Variants in F5 observed in about 807,000 individuals in gnomAD.
F5 encodes coagulation factor V, also known as activated protein c cofactor.
A neutral mutation model predicts 216.4 loss-of-function variants in F5; 138 were observed. That is an observed-to-expected ratio of 0.64 (90% CI 0.56 to 0.73). The LOEUF (loss-of-function observed/expected upper bound fraction) is 0.73. Among genes scored for constraint, F5 ranks in the 30% least tolerant of loss-of-function variants. The probability of loss-of-function intolerance (pLI) is 0.00; values close to 1 mark genes in which losing one functional copy is unlikely to be tolerated. For synonymous variants in F5, 916 were observed against 930.7 expected, an observed-to-expected ratio of 0.98 and a Z score of 0.29; for missense variants, 2,403 against 2,674.0, an observed-to-expected ratio of 0.90 and a Z score of 2.24.
chr1:169,560,452 T>C, intron 4 of F5, 102 bp downstream of exon 4: 1 of 1,088,448 alleles, frequency 9.2e-7, no homozygotes, highest in Non-Finnish European at 1.4e-6. Context: ...CTCTGCTTGA[T>C]GTACAAGAAG....
rs6679078 is a variant in F5 at position 169,514,434 on chromosome 1, T to C, written c.6554A>G (p.Lys2185Arg). The change falls in exon 25 of 25, where the codon AAA (lysine) becomes AGA (arginine). Residue 2185 changes from lysine to arginine, a missense_variant. Physicochemically the swap from Lys to Arg is conservative, Grantham distance 26. Coordinates refer to ENST00000367797, the MANE Select transcript of F5 (RefSeq NM_000130.5). ...DKIFEGNTNT[K>R]GHVKNFFNPP... The stretch of plus-strand genomic sequence containing the variant: ...GTTGAAAAAGTTCTTCACATGTCCT[T>C]TGGTATTAGTATTTCCTTCAAAAAT... 814 of 1,613,064 alleles carry C rather than the reference T, an allele frequency of 5.0e-4. 3 individuals carry two copies. In the African/African-American group the frequency reaches 9.0e-3, roughly 18 times the overall value.
chr1:169,583,905 T>G (rs1334387112), intron 1 of F5, among the ~76,000 whole-genome samples: 1 of 152,224 alleles, frequency 6.6e-6, no homozygotes, highest in Non-Finnish European at 1.5e-5. Context: ...AACTACTTGG[T>G]AAGGTCATTG....
chr1:169,550,811 G>C (rs1390829608), intron 8 of F5, 72 bp from the exon 9 acceptor site: 1 of 1,138,188 alleles, frequency 8.8e-7, no homozygotes, highest in Non-Finnish European at 1.3e-6. Flanking sequence ...TACTAGCTTT[G>C]CATATTCACC....
intron 1 of F5, among the ~76,000 whole-genome samples, chr1:169,584,445 A>G (rs1295573077): frequency 1.3e-5 from 2 of 152,250 alleles, no homozygotes; most frequent in Non-Finnish European, 2.9e-5. Flanking sequence ...ATCTCTTTGT[A>G]TACATGTGAG....
At chr1:169,574,025 C>A (rs10800457) in intron 2 of F5, among the ~76,000 whole-genome samples, 102,972 of 152,070 alleles carry the variant, frequency 0.68, 36,567 homozygotes, top group African/African-American at 0.89. Flanking sequence ...AAATAAAACT[C>A]TAACATAATA....
chr1:169,566,648 G>A (rs891138805), intron 3 of F5, among the ~76,000 whole-genome samples: 66 of 151,802 alleles, frequency 4.3e-4, no homozygotes, highest in Admixed American at 3.0e-3. Flanking sequence ...TGCTAACTGT[G>A]GGAACTTGGG....
Position 169,514,247 on chromosome 1 carries a change from C to T in F5, c.*66G>A, listed in dbSNP as rs1270817536. The T allele has an allele frequency of 6.8e-6, 10 of 1,478,942 alleles. No individual in the cohort carries two copies. The highest frequency in any genetic ancestry group is 9.5e-6 in the Non-Finnish European group (10 of 1,057,972). The allele number at this position is 1,478,942 out of a possible 1,614,324, so 91.6% of individuals were successfully genotyped here. On this transcript the variant is annotated 3_prime_UTR_variant, in exon 25 of 25. Transcript: ENST00000367797. Reference sequence around the variant, plus strand: ...TTAACATTTAACACAGCGTAAAATACATTGCCCATTCTAAATGGTTTGAGG... The same window carrying T: ...TTAACATTTAACACAGCGTAAAATATATTGCCCATTCTAAATGGTTTGAGG...
intron 21 of F5, 52 bp from the exon 22 acceptor site, chr1:169,520,716 T>C (rs1246185688): frequency 2.0e-6 from 3 of 1,499,160 alleles, no homozygotes; most frequent in Non-Finnish European, 2.8e-6. Flanking sequence ...ATAAAGTGAC[T>C]TTATATTAAA....
At chr1:169,555,087 T>A in intron 7 of F5, 95 bp downstream of exon 7, 3 of 1,396,412 alleles carry the variant, frequency 2.1e-6, no homozygotes, top group Non-Finnish European at 3.0e-6. Context: ...TGTGTCCCCT[T>A]GAGAGCTGTG....
chr1:169,526,930 A>G (rs956287423), intron 17 of F5, among the ~76,000 whole-genome samples: 10 of 151,890 alleles, frequency 6.6e-5, no homozygotes, highest in African/African-American at 2.4e-4. Flanking sequence ...TAGATGTATT[A>G]GTGAGTTACT....
At chr1:169,564,073 T>A (rs1296989138) in intron 3 of F5, among the ~76,000 whole-genome samples, 3 of 152,126 alleles carry the variant, frequency 2.0e-5, no homozygotes, top group Admixed American at 6.6e-5. Context: ...TCTAATTTTA[T>A]CCACCCACTG....
At chr1:169,514,502 G>A in intron 24 of F5, 43 bp from the exon 25 acceptor site, 1 of 1,583,396 alleles carries the variant, frequency 6.3e-7, no homozygotes, top group Non-Finnish European at 8.7e-7. Context: ...CAACATAAAT[G>A]GCTAAGGTTT....
rs1172481159 is a variant in F5, at chr1:169,552,595, C to A, written c.1258G>T (p.Gly420Cys). Residue 420 changes from glycine (G) to cysteine (C), a missense_variant, in exon 8 of 25, where the codon GGT (glycine) becomes TGT (cysteine). Gly to Cys is a radical substitution (Grantham distance 159). This residue lies in a region of F5 where 1,425 missense variants were observed against 1,554.8 expected (regional missense o/e 0.92). Coordinates refer to ENST00000367797, the MANE Select transcript of F5 (RefSeq NM_000130.5). ...NPNMKEDGIL[G>C]PIIRAQVRDT... ...CTGACCTGGGCTCTGATAATAGGAC[C>A]CAAAATCCCATCTTCTTTCATATTG... 2 of 1,613,674 alleles carry A rather than the reference C, an allele frequency of 1.2e-6. No homozygotes were observed. Among genetic ancestry groups the A allele is most frequent in the East Asian group, 4.5e-5 (2 of 44,816 alleles).
intron 15 of F5, 123 bp from the exon 16 acceptor site, chr1:169,529,941 A>G (rs1571565602): frequency 2.6e-6 from 2 of 771,724 alleles, no homozygotes; most frequent in Non-Finnish European, 4.4e-6. Context: ...TGAAGATTAT[A>G]AATGAATGGC....
intron 17 of F5, 65 bp from the exon 18 acceptor site, chr1:169,526,082 C>A (rs964978115): frequency 9.1e-7 from 1 of 1,095,570 alleles, no homozygotes; most frequent in Non-Finnish European, 1.4e-6. Context: ...GTTGATAGTT[C>A]TCTAAGAATC....
chr1:169,572,431 A>C, intron 2 of F5, 88 bp from the exon 3 acceptor site: 1 of 1,490,532 alleles, frequency 6.7e-7, no homozygotes, highest in South Asian at 1.1e-5. Context: ...GATGATACCA[A>C]GAGTGATTGC....
intron 2 of F5, among the ~76,000 whole-genome samples, chr1:169,580,186 C>A (rs1042840501): frequency 6.6e-6 from 1 of 152,270 alleles, no homozygotes; most frequent in Admixed American, 6.5e-5. Context: ...GACCACCAGA[C>A]TGGAGATAGG....
chr1:169,572,104 C>T, intron 3 of F5, 117 bp downstream of exon 3: 1 of 1,111,242 alleles, frequency 9.0e-7, no homozygotes, highest in Non-Finnish European at 1.3e-6. Flanking sequence ...TTTATAATTA[C>T]CAGTTGCAAG....
At chr1:169,569,740 T>C (rs1488967842) in intron 3 of F5, among the ~76,000 whole-genome samples, 1 of 152,108 alleles carries the variant, frequency 6.6e-6, no homozygotes, top group Non-Finnish European at 1.5e-5. Flanking sequence ...AAAAGGGTTA[T>C]CCAGAGTTCT....
Sources: gnomAD v4.1 joint callset for allele counts (sites outside exome capture counted in the v4.1 genomes callset) on GRCh38, gnomAD v4.1.1 for gene constraint, gnomAD v4.1.1 regional missense constraint, MANE v1.5 for transcripts, NCBI Gene and HGNC (gene_info 2026-07-23, HGNC 2026-07-21) for gene names.